Variants in DPY19L2 observed in about 807,000 individuals in gnomAD.
The protein encoded by DPY19L2 is probable C-mannosyltransferase DPY19L2.
DPY19L2 carries 34 observed loss-of-function variants against 97.9 expected under a neutral mutation model. The ratio of observed to expected loss-of-function variants is 0.35; its 90% CI spans 0.26 to 0.46. The LOEUF is 0.46. Among genes scored for constraint, DPY19L2 ranks in the 20% least tolerant of loss-of-function variants. DPY19L2 has a pLI of 1.00. For synonymous variants in DPY19L2, 230 were observed against 307.9 expected, an observed-to-expected ratio of 0.75 and a Z score of 2.65; for missense variants, 623 against 911.4, an observed-to-expected ratio of 0.68 and a Z score of 4.07.
At chr12:63,651,631 CA>C in intron 4 of DPY19L2, 2 of 367,938 alleles carry the variant, frequency 5.4e-6, no homozygotes, top group Non-Finnish European at 5.5e-6. Flanking sequence ...TCCAACATGG[CA>C]AAAATCTCCG....
intron 16 of DPY19L2, among the ~76,000 whole-genome samples, chr12:63,589,357 CAAAAAAAAAAAAAAAAAAA>C (rs71086687): frequency 9.5e-4 from 18 of 18,992 alleles, no homozygotes; most frequent in East Asian, 6.5e-3. Context: ...AAATGTGTTG[CAAAAAAAAAAAAAAAAAAA>C]AAAAAAAAAA....
intron 16 of DPY19L2, among the ~76,000 whole-genome samples, chr12:63,591,849 T>C (rs770729986): frequency 6.4e-4 from 96 of 149,572 alleles, no homozygotes; most frequent in Admixed American, 1.1e-3. Context: ...AGAGCTGAGA[T>C]GAGATGATCG....
intron 4 of DPY19L2, among the ~76,000 whole-genome samples, chr12:63,659,507 C>A (rs570173249): frequency 2.7e-4 from 40 of 150,490 alleles, no homozygotes; most frequent in African/African-American, 9.0e-4. Flanking sequence ...AATAAGCTGA[C>A]CCTAACATTA....
intron 6 of DPY19L2, among the ~76,000 whole-genome samples, chr12:63,632,874 C>T (rs1217994694): frequency 2.0e-5 from 3 of 151,984 alleles, no homozygotes; most frequent in East Asian, 1.9e-4. Context: ...GAGATATAGA[C>T]CAATGGAACA....
chr12:63,588,634 C>T (rs7964093), intron 16 of DPY19L2, among the ~76,000 whole-genome samples: 26,392 of 151,584 alleles, frequency 0.17, 3,154 homozygotes, highest in African/African-American at 0.36. Context: ...ATTTAACATT[C>T]ATTTTTTACT....
At chr12:63,614,080 C>T (rs1335960821) in intron 11 of DPY19L2, among the ~76,000 whole-genome samples, 1 of 150,824 alleles carries the variant, frequency 6.6e-6, no homozygotes, top group Non-Finnish European at 1.5e-5. Context: ...ATCCCAGCTA[C>T]ATGGGAGGCT....
intron 12 of DPY19L2, among the ~76,000 whole-genome samples, chr12:63,605,999 T>C (rs1269605111): frequency 2.6e-5 from 4 of 152,158 alleles, no homozygotes; most frequent in Non-Finnish European, 4.4e-5. Flanking sequence ...ATACAAATAC[T>C]GTATGTATTT....
chr12:63,620,162 C>T lies in DPY19L2; in HGVS notation c.1053+1076G>A, dbSNP rs543213980. On this transcript the variant is annotated intron_variant, in intron 9 of 21. Transcript: ENST00000324472. The stretch of plus-strand genomic sequence containing the variant: ...AAATCTTAGTATCATGAAATGTCAT[C>T]AAAATTCTCCATTTACTCTCTGCTT... 2,945 of 305,418 alleles carry T rather than the reference C, an allele frequency of 9.6e-3. 81 individuals carry two copies. The highest frequency in any genetic ancestry group is 0.06 in the African/African-American group (2,696 of 44,740). 18.9% of individuals were successfully genotyped at this position (305,418 alleles called of 1,614,324 possible). A position where few individuals can be genotyped will look rare whatever the true frequency, so the allele number is the denominator to read the frequency against.
rs749918121 is a variant in DPY19L2, at chr12:63,597,796, G to A, written c.1461+13C>T. 1 of 1,596,774 alleles carries A rather than the reference G, an allele frequency of 6.3e-7. No homozygotes were observed. Among genetic ancestry groups the A allele is most frequent in the Admixed American group, 1.7e-5 (1 of 58,456 alleles). ...CTCATATTAGTAGAGAAGGAAAAAA[G>A]AAACATTCATACCGCTTTTTCCATG... On this transcript the variant is annotated intron_variant, in intron 14 of 21. Coordinates refer to ENST00000324472, the MANE Select transcript of DPY19L2 (RefSeq NM_173812.5).
chr12:63,591,998 GGGGAA>G lies in DPY19L2; in HGVS notation c.1580+2084_1580+2088del, dbSNP rs1565728431. Among the ~76,000 whole-genome samples, 9 of 20,064 alleles carry G rather than the reference GGGGAA, an allele frequency of 4.5e-4. 1 individual carries two copies. The highest frequency in any genetic ancestry group is 1.5e-3 in the African/African-American group (5 of 3,370). 13.2% of individuals were successfully genotyped at this position (20,064 alleles called of 152,430 possible). Reference sequence around the variant, plus strand: ...AAAGAGGGGAAGGGAAGGGAAGGGAGGGGAAGGGAGGGGAGGGGAGGGGAGGGGAG... The same window carrying G: ...AAAGAGGGGAAGGGAAGGGAAGGGAGGGGAGGGGAGGGGAGGGGAGGGGAG... On this transcript the variant is annotated intron_variant, in intron 16 of 21. Coordinates refer to ENST00000324472, the MANE Select transcript of DPY19L2 (RefSeq NM_173812.5).
intron 12 of DPY19L2, among the ~76,000 whole-genome samples, chr12:63,603,802 C>CA (rs1032994138): frequency 6.6e-6 from 1 of 151,858 alleles, no homozygotes; most frequent in East Asian, 1.9e-4. Context: ...TCCATGCTAT[C>CA]AAAAAAAGAG....
rs1896541716 is a variant in DPY19L2 at position 63,668,068 on chromosome 12, G to A, written c.326C>T (p.Thr109Ile). 8.7e-6 allele frequency: 14 copies of A among 1,613,738 alleles called. No individual in the cohort carries two copies. Among genetic ancestry groups the A allele is most frequent in the Non-Finnish European group, 1.2e-5 (14 of 1,179,904 alleles). Residue 109 changes from threonine to isoleucine, a missense_variant, in exon 1 of 22, where the codon ACT becomes ATT. This residue lies in a region of DPY19L2 where 84 missense variants were observed against 125.4 expected (regional missense o/e 0.67). Transcript: ENST00000324472. ...TGCCCTCTCCTCACCGATGCCGAGAGTGGTTCTGCTGGAGAACCGCCGCGC... is the reference window on the plus strand; with the variant it reads ...TGCCCTCTCCTCACCGATGCCGAGAATGGTTCTGCTGGAGAACCGCCGCGC... ...LQARRFSSRT[T>I]LGIAVFVAIL... is the part of the protein sequence containing the mutation.
Position 63,559,030 on chromosome 12 carries a change from A to G in DPY19L2, c.*1482T>C, listed in dbSNP as rs771989424. On this transcript the variant is annotated 3_prime_UTR_variant, in exon 22 of 22. Coordinates refer to ENST00000324472, the MANE Select transcript of DPY19L2 (RefSeq NM_173812.5). Reference sequence around the variant, plus strand: ...AAAGTTCTACCAACTTATTTAAAATATTTCCTGTAAAAACATCATCCAAAA... The same window carrying G: ...AAAGTTCTACCAACTTATTTAAAATGTTTCCTGTAAAAACATCATCCAAAA... 6.6e-6 allele frequency: 1 copy of G among 152,134 alleles called. No individual in the cohort carries two copies. Among genetic ancestry groups the G allele is most frequent in the Non-Finnish European group, 1.5e-5 (1 of 68,014 alleles). The allele number at this position is 152,134 out of a possible 1,614,324, so 9.4% of individuals were successfully genotyped here. A position where few individuals can be genotyped will look rare whatever the true frequency, so the allele number is the denominator to read the frequency against.
At chr12:63,605,008 C>A (rs969216115) in intron 12 of DPY19L2, among the ~76,000 whole-genome samples, 2 of 152,208 alleles carry the variant, frequency 1.3e-5, no homozygotes, top group South Asian at 2.1e-4. Flanking sequence ...AGGTTTATCA[C>A]GCAAGTCCTG....
At chr12:63,640,822 T>A (rs1188658253) in intron 6 of DPY19L2, among the ~76,000 whole-genome samples, 1 of 152,150 alleles carries the variant, frequency 6.6e-6, no homozygotes, top group Non-Finnish European at 1.5e-5. Context: ...ACATTTTCCA[T>A]ATGAAAAAAC....
chr12:63,609,075 A>G (rs1470072003), intron 11 of DPY19L2, among the ~76,000 whole-genome samples: 1 of 152,152 alleles, frequency 6.6e-6, no homozygotes, highest in Non-Finnish European at 1.5e-5. Flanking sequence ...ATATTTAAAC[A>G]TGTTTAAAAA....
intron 16 of DPY19L2, among the ~76,000 whole-genome samples, chr12:63,584,611 A>G (rs1881470727): frequency 6.6e-6 from 1 of 152,192 alleles, no homozygotes; most frequent in African/African-American, 2.4e-5. Flanking sequence ...CAGCATATCC[A>G]TGCTCTATAC....
At chr12:63,668,505 C>T, upstream of DPY19L2, 4 of 1,105,572 alleles carry the variant, frequency 3.6e-6, no homozygotes, top group Non-Finnish European at 5.0e-6. Flanking sequence ...GTCCCCGCAG[C>T]CGTTGCGGAC....
At chr12:63,643,850 T>C (rs928702500) in intron 6 of DPY19L2, among the ~76,000 whole-genome samples, 2 of 152,160 alleles carry the variant, frequency 1.3e-5, no homozygotes, top group South Asian at 2.1e-4. Context: ...TTAGTTTTCA[T>C]TGGCAAAAAC....
Sources: gnomAD v4.1 joint callset for allele counts (sites outside exome capture counted in the v4.1 genomes callset) on GRCh38, gnomAD v4.1.1 for gene constraint, gnomAD v4.1.1 regional missense constraint, MANE v1.5 for transcripts, NCBI Gene and HGNC (gene_info 2026-07-23, HGNC 2026-07-21) for gene names.